SLC30A9: variants seen among roughly 807,000 people sequenced by gnomAD.
The protein encoded by SLC30A9 is proton-coupled zinc antiporter SLC30A9, mitochondrial.
A neutral mutation model predicts 87.5 loss-of-function variants in SLC30A9; 58 were observed. The observed-to-expected ratio is 0.66, with a 90% CI of 0.54 to 0.82. The LOEUF (loss-of-function observed/expected upper bound fraction) is 0.82. Ranked by LOEUF, SLC30A9 falls within the 40% of genes least tolerant of loss-of-function variation. SLC30A9 has a pLI of 0.00. For synonymous variants in SLC30A9, 234 were observed against 233.0 expected (o/e 1.00, Z -0.04); for missense variants, 557 against 679.1 (o/e 0.82, Z 2.00).
At chr4:42,055,155 C>T (rs977982430) in intron 9 of SLC30A9, among the ~76,000 whole-genome samples, 2 of 152,094 alleles carry the variant, frequency 1.3e-5, no homozygotes, top group Non-Finnish European at 2.9e-5. Context: ...AAAACCCCGT[C>T]TCTTAGAGTT....
chr4:42,012,606 C>T (rs1715497603), intron 2 of SLC30A9, among the ~76,000 whole-genome samples: 1 of 152,068 alleles, frequency 6.6e-6, no homozygotes, highest in African/African-American at 2.4e-5. Context: ...GGTTTATAAA[C>T]CAATTACATT....
rs374810009 is a variant in SLC30A9 at position 42,042,713 on chromosome 4, G to A, written c.737+3660G>A. 3.2e-3 allele frequency among the ~76,000 whole-genome samples: 488 copies of A among 152,272 alleles called. 3 individuals are homozygous for A. Among genetic ancestry groups the A allele is most frequent in the African/African-American group, 8.8e-3 (367 of 41,572 alleles). ...AGAGCAGCGGATCTCCCAGCACAGC[G>A]CTCGAGGTCTGCTAAGGGACAGACT... On this transcript the variant is annotated intron_variant, in intron 8 of 17. Transcript: ENST00000264451.
At chr4:41,997,266 A>G (rs1187411788) in intron 1 of SLC30A9, among the ~76,000 whole-genome samples, 1 of 151,954 alleles carries the variant, frequency 6.6e-6, no homozygotes, top group Non-Finnish European at 1.5e-5. Context: ...TTTGCTTGCT[A>G]CATGATTAAG....
intron 17 of SLC30A9, among the ~76,000 whole-genome samples, chr4:42,079,908 G>A (rs1248848176): frequency 2.0e-5 from 3 of 152,108 alleles, no homozygotes; most frequent in Non-Finnish European, 4.4e-5. Context: ...GAGCCACCAT[G>A]CCAAGCCCAC....
At chr4:42,056,982 C>G (rs1055524685) in intron 9 of SLC30A9, among the ~76,000 whole-genome samples, 1 of 152,226 alleles carries the variant, frequency 6.6e-6, no homozygotes, top group African/African-American at 2.4e-5. Context: ...CCAAAATGAT[C>G]TCCTTTCGCT....
intron 14 of SLC30A9, among the ~76,000 whole-genome samples, chr4:42,068,758 G>T (rs1718190173): frequency 7.6e-6 from 1 of 131,008 alleles, no homozygotes; most frequent in Non-Finnish European, 1.7e-5. Context: ...AGTTGTTTGT[G>T]TCCTTATTTT....
chr4:42,081,607 A>G (rs994479620), intron 17 of SLC30A9, among the ~76,000 whole-genome samples: 4 of 152,256 alleles, frequency 2.6e-5, no homozygotes, highest in African/African-American at 7.2e-5. Flanking sequence ...AGGTAGCACA[A>G]GATTGAATAA....
intron 2 of SLC30A9, among the ~76,000 whole-genome samples, chr4:42,007,736 G>A (rs1346624963): frequency 6.6e-6 from 1 of 152,148 alleles, no homozygotes; most frequent in Non-Finnish European, 1.5e-5. Flanking sequence ...CAGCCTGGGC[G>A]ACAGAGCAAG....
At chr4:42,016,926 C>T (rs1715747035) in intron 2 of SLC30A9, among the ~76,000 whole-genome samples, 2 of 152,112 alleles carry the variant, frequency 1.3e-5, no homozygotes, top group African/African-American at 4.8e-5. Context: ...CTTGTGCCCT[C>T]GTGCAAGAGT....
chr4:42,069,646 A>G (rs903463157), intron 14 of SLC30A9, among the ~76,000 whole-genome samples: 6 of 152,248 alleles, frequency 3.9e-5, no homozygotes, highest in African/African-American at 1.4e-4. Context: ...TTGGGATAAA[A>G]AGACTTGTAG....
chr4:42,079,712 A>T (rs1052154600), intron 17 of SLC30A9, among the ~76,000 whole-genome samples: 2 of 151,088 alleles, frequency 1.3e-5, no homozygotes. Flanking sequence ...GGTTCAAGGG[A>T]TTCTCCTGCC....
At chr4:42,085,056 T>C (rs1442784608) in intron 17 of SLC30A9, among the ~76,000 whole-genome samples, 1 of 152,254 alleles carries the variant, frequency 6.6e-6, no homozygotes, top group Non-Finnish European at 1.5e-5. Flanking sequence ...TGCCTGTCTT[T>C]CCAGCCTCAT....
At chr4:42,081,249 G>C (rs1436276861) in intron 17 of SLC30A9, among the ~76,000 whole-genome samples, 1 of 152,038 alleles carries the variant, frequency 6.6e-6, no homozygotes, top group Non-Finnish European at 1.5e-5. Flanking sequence ...AAGGGTTTAG[G>C]TTTAATAAAA....
At chr4:42,083,231 A>C (rs1219180958) in intron 17 of SLC30A9, among the ~76,000 whole-genome samples, 1 of 152,192 alleles carries the variant, frequency 6.6e-6, no homozygotes, top group Non-Finnish European at 1.5e-5. Flanking sequence ...AATCTGCAGC[A>C]TTGTAAAATA....
Position 42,054,352 on chromosome 4 carries a change from C to G in SLC30A9, c.840+4873C>G, listed in dbSNP as rs146703014. Among the ~76,000 whole-genome samples the G allele has an allele frequency of 8.9e-3, 1,357 of 152,148 alleles. 20 individuals are homozygous for G. Among genetic ancestry groups the G allele is most frequent in the African/African-American group, 0.031 (1,304 of 41,504 alleles). On this transcript the variant is annotated intron_variant, in intron 9 of 17. Coordinates refer to ENST00000264451, the MANE Select transcript of SLC30A9 (RefSeq NM_006345.4). ...CAGCCTGGGCGACAGAACTAGACATCTCAAAACAAAAACAAAAACAAAACT... is the reference window on the plus strand; with the variant it reads ...CAGCCTGGGCGACAGAACTAGACATGTCAAAACAAAAACAAAAACAAAACT...
intron 11 of SLC30A9, among the ~76,000 whole-genome samples, chr4:42,063,333 G>C (rs1189544426): frequency 1.3e-5 from 2 of 152,188 alleles, no homozygotes; most frequent in Non-Finnish European, 1.5e-5. Context: ...CAAGATCTCT[G>C]TAGGTACCAA....
At chr4:42,020,697 C>A in intron 4 of SLC30A9, 182 bp downstream of exon 4, 1 of 464,506 alleles carries the variant, frequency 2.2e-6, no homozygotes, top group South Asian at 3.9e-5. Context: ...TAAACTGAAT[C>A]CTGCCCCAGC....
At chr4:42,032,656 G>A (rs963879231) in intron 6 of SLC30A9, among the ~76,000 whole-genome samples, 14 of 152,110 alleles carry the variant, frequency 9.2e-5, no homozygotes, top group East Asian at 7.7e-4. Flanking sequence ...GGAAGATCAA[G>A]GAAGAGGGAA....
chr4:42,021,141 G>A (rs1368624495), intron 4 of SLC30A9, among the ~76,000 whole-genome samples: 22 of 151,886 alleles, frequency 1.4e-4, no homozygotes, highest in Admixed American at 1.2e-3. Context: ...CAAGAAATAG[G>A]TATTCCTATA....
Sources: allele counts gnomAD v4.1 joint callset (sites outside exome capture counted in the v4.1 genomes callset), GRCh38; gene constraint gnomAD v4.1.1; transcripts MANE v1.5; gene names NCBI Gene and HGNC (gene_info 2026-07-23, HGNC 2026-07-21).